The following TASP1 variants were observed in gnomAD, a reference collection of about 807,000 sequenced individuals.
The protein encoded by TASP1 is taspase 1.
A neutral mutation model predicts 56.6 loss-of-function variants in TASP1; 16 were observed. That is an observed-to-expected ratio of 0.28 (90% confidence interval 0.19 to 0.43). TASP1 has a LOEUF of 0.43. Ranked by LOEUF, TASP1 falls within the 20% of genes least tolerant of loss-of-function variation. The pLI is 1.00. For synonymous variants in TASP1, 179 were observed against 184.2 expected, an observed-to-expected ratio of 0.97 and a Z score of 0.23; for missense variants, 393 against 511.6, an observed-to-expected ratio of 0.77 and a Z score of 2.24.
At chr20:13,531,056 C>A (rs950075991) in intron 9 of TASP1, among the ~76,000 whole-genome samples, 3 of 152,164 alleles carry the variant, frequency 2.0e-5, no homozygotes, top group Non-Finnish European at 2.9e-5. Flanking sequence ...ATTGTTGTCA[C>A]AGGATCATGC....
intron 13 of TASP1, among the ~76,000 whole-genome samples, chr20:13,403,486 A>G (rs2041812865): frequency 6.6e-6 from 1 of 152,220 alleles, no homozygotes; most frequent in South Asian, 2.1e-4. Flanking sequence ...TAACAAATGC[A>G]GCATCTATTA....
intron 1 of TASP1, among the ~76,000 whole-genome samples, chr20:13,631,310 G>A (rs984436303): frequency 5.3e-5 from 8 of 152,138 alleles, no homozygotes; most frequent in Non-Finnish European, 8.8e-5. Flanking sequence ...CAAAAGTGCT[G>A]ATTTTTAATT....
the TASP1 span, chr20:13,222,059 C>T: frequency 2.5e-6 from 2 of 811,430 alleles, no homozygotes; most frequent in Non-Finnish European, 3.4e-6. Flanking sequence ...TTTGCCCGGG[C>T]CACTTGACTT....
intron 6 of TASP1, among the ~76,000 whole-genome samples, chr20:13,576,117 G>T (rs139168944): frequency 1.1e-4 from 16 of 148,838 alleles, no homozygotes; most frequent in South Asian, 2.2e-4. Context: ...CAGGAGAATC[G>T]CTTGAACCTA....
the TASP1 span, among the ~76,000 whole-genome samples, chr20:13,379,597 A>G: frequency 1.3e-5 from 2 of 150,696 alleles, no homozygotes; most frequent in Non-Finnish European, 3.0e-5. Context: ...TGTTCTCTAT[A>G]TTTCCTACAT....
the TASP1 span, among the ~76,000 whole-genome samples, chr20:13,251,010 A>T: frequency 1.3e-5 from 2 of 152,214 alleles, no homozygotes; most frequent in Non-Finnish European, 2.9e-5. Context: ...TGGAAATTTT[A>T]TAACTTATGA....
In TASP1 at chr20:13,566,799, G is replaced by A. The variant is rs115420316; in HGVS notation, c.568+2708C>T. Among the ~76,000 whole-genome samples, 337 of 152,226 alleles carry A rather than the reference G, an allele frequency of 2.2e-3. 3 individuals carry two copies. Among genetic ancestry groups the A allele is most frequent in the African/African-American group, 7.2e-3 (300 of 41,542 alleles). Reference sequence around the variant, plus strand: ...AAAGATAAGACACTGGTGAGGTTGCGGAGAAAAAGTGCTTACACACTGCTG... The same window carrying A: ...AAAGATAAGACACTGGTGAGGTTGCAGAGAAAAAGTGCTTACACACTGCTG... On this transcript the variant is annotated intron_variant, in intron 7 of 13. Transcript: ENST00000337743.
chr20:13,123,073 G>C, the TASP1 span, among the ~76,000 whole-genome samples: 6 of 152,312 alleles, frequency 3.9e-5, no homozygotes, highest in East Asian at 1.2e-3. Context: ...GCTCATGCCT[G>C]TAATCACAGC....
the TASP1 span, among the ~76,000 whole-genome samples, chr20:13,383,636 C>A: frequency 6.6e-6 from 1 of 152,118 alleles, no homozygotes; most frequent in Non-Finnish European, 1.5e-5. Context: ...GTCTTTTTGG[C>A]ATGTGGTGTG....
chr20:13,527,708 A>G (rs2045037938), intron 10 of TASP1, among the ~76,000 whole-genome samples: 1 of 152,228 alleles, frequency 6.6e-6, no homozygotes, highest in East Asian at 1.9e-4. Context: ...ATTACATTAA[A>G]AGTGTCGTTC....
At chr20:13,173,537 C>T in the TASP1 span, among the ~76,000 whole-genome samples, 2 of 152,168 alleles carry the variant, frequency 1.3e-5, no homozygotes, top group Admixed American at 1.3e-4. Flanking sequence ...GCAAAGGCAC[C>T]TTTGAAATGG....
intron 11 of TASP1, among the ~76,000 whole-genome samples, chr20:13,475,240 T>C (rs185994093): frequency 3.3e-5 from 5 of 152,328 alleles, no homozygotes; most frequent in Admixed American, 3.3e-4. Flanking sequence ...AATGGTGGCA[T>C]ACTGACTGCA....
chr20:13,344,189 C>A, the TASP1 span, among the ~76,000 whole-genome samples: 15 of 152,130 alleles, frequency 9.9e-5, no homozygotes, highest in Middle Eastern at 3.4e-3. Context: ...GACCTCTAGA[C>A]GGCCAGGAAG....
At chr20:13,299,029 G>A in the TASP1 span, 1 of 1,613,722 alleles carries the variant, frequency 6.2e-7, no homozygotes, top group African/African-American at 1.3e-5. This position sits in a 1 kb window ranked among gnomAD's most constrained non-coding sequence, Gnocchi z 5.8. Context: ...CTGCCCAGCT[G>A]CCCCTGCTCC....
Position 13,629,948 on chromosome 20 carries a change from A to G in TASP1, c.131T>C (p.Val44Ala), listed in dbSNP as rs1265342686. The G allele has an allele frequency of 6.2e-7, 1 of 1,613,532 alleles. No homozygotes were observed. Among genetic ancestry groups the G allele is most frequent in the Non-Finnish European group, 8.5e-7 (1 of 1,179,830 alleles). Residue 44 changes from valine (V) to alanine (A), a missense_variant, in exon 2 of 14, where the codon GTG becomes GCG. Coordinates refer to ENST00000337743, the MANE Select transcript of TASP1 (RefSeq NM_017714.3). The part of the protein sequence containing the change: ...QSYKEKRGGF[V>A]LVHAGAGYHS... ...ACAAAGCTTACCTGCATGCACCAAC[A>G]CAAAGCCTCCTCGTTTCTCTTTATA...
chr20:13,252,622 G>A, the TASP1 span, among the ~76,000 whole-genome samples: 1 of 152,096 alleles, frequency 6.6e-6, no homozygotes, highest in African/African-American at 2.4e-5. Context: ...GGGTGTGGTG[G>A]CGTGCACCTG....
the TASP1 span, among the ~76,000 whole-genome samples, chr20:13,342,577 C>T: frequency 6.6e-6 from 1 of 152,130 alleles, no homozygotes. Context: ...TGCCAGGTTG[C>T]CCAGCCAGGC....
At chr20:13,315,969 C>T in the TASP1 span, among the ~76,000 whole-genome samples, 6 of 151,852 alleles carry the variant, frequency 4.0e-5, no homozygotes, top group Non-Finnish European at 1.5e-5. Flanking sequence ...ACACAACTTA[C>T]CAAAATTTGT....
chr20:13,119,201 A>C, the TASP1 span, among the ~76,000 whole-genome samples: 2 of 152,242 alleles, frequency 1.3e-5, no homozygotes, highest in African/African-American at 2.4e-5. Context: ...CTGAACTACA[A>C]AATTTTTAAC....
Sources: gnomAD v4.1 joint callset for allele counts (sites outside exome capture counted in the v4.1 genomes callset) on GRCh38, gnomAD v4.1.1 for gene constraint, Gnocchi (gnomAD v3.1) non-coding constraint, MANE v1.5 for transcripts, NCBI Gene and HGNC (gene_info 2026-07-23, HGNC 2026-07-21) for gene names.